The following CPNE2 variants were observed in gnomAD, a reference collection of about 807,000 sequenced individuals.
The protein encoded by CPNE2 is copine-2.
A neutral mutation model predicts 69.7 loss-of-function variants in CPNE2; 42 were observed. The observed-to-expected ratio is 0.60, with a 90% CI of 0.47 to 0.78. The LOEUF (loss-of-function observed/expected upper bound fraction) is 0.78, where lower values mean the gene tolerates loss of function less well. Among genes scored for constraint, CPNE2 ranks in the 30% least tolerant of loss-of-function variants. CPNE2 has a pLI of 0.00. For synonymous variants in CPNE2, 294 were observed against 289.8 expected (o/e 1.01, Z -0.15); for missense variants, 587 against 732.0 (o/e 0.80, Z 2.29).
At chr16:57,108,405 C>A (rs549961901) in intron 1 of CPNE2, among the ~76,000 whole-genome samples, 173 of 152,328 alleles carry the variant, frequency 1.1e-3, no homozygotes, top group Non-Finnish European at 7.1e-4. Context: ...GGGGGCCCAC[C>A]CACCACCCCC....
intron 5 of CPNE2, among the ~76,000 whole-genome samples, chr16:57,118,005 G>A (rs1431093992): frequency 6.6e-6 from 1 of 152,008 alleles, no homozygotes; most frequent in Non-Finnish European, 1.5e-5. Context: ...CTCTGCCTGG[G>A]ATGCTCTCTT....
At chr16:57,140,274 G>A (rs752932517) in intron 14 of CPNE2, among the ~76,000 whole-genome samples, 6 of 151,866 alleles carry the variant, frequency 4.0e-5, no homozygotes, top group East Asian at 2.0e-4. Context: ...GGGTTCAAGC[G>A]ATTCTCCTGT....
At chr16:57,122,273 A>G (rs2069768621) in intron 9 of CPNE2, among the ~76,000 whole-genome samples, 1 of 152,216 alleles carries the variant, frequency 6.6e-6, no homozygotes, top group Non-Finnish European at 1.5e-5. Flanking sequence ...CTGGCAGAAC[A>G]TTAAGGAAGG....
At chr16:57,103,417 C>T (rs1471811595) in intron 1 of CPNE2, among the ~76,000 whole-genome samples, 1 of 152,232 alleles carries the variant, frequency 6.6e-6, no homozygotes, top group African/African-American at 2.4e-5. Context: ...GGCTGCCACA[C>T]CTGGCCTGTT....
chr16:57,137,225 C>G lies in CPNE2; in HGVS notation c.1245C>G (p.Pro415=). ...TCTACGGTCCTACCAATTTCTCCCC[C>G]ATCGTCAACCACGTGGCCCGGTTTG... is the stretch of plus-strand genomic sequence containing the variant. ...IRFYGPTNFS[P]IVNHVARFAA... The change falls in exon 14 of 16, where the codon CCC becomes CCG. Residue 415 remains proline, a synonymous_variant. Transcript: ENST00000290776. 3 of 1,614,256 alleles carry G rather than the reference C, an allele frequency of 1.9e-6. No individual in the cohort carries two copies. Among genetic ancestry groups the G allele is most frequent in the Non-Finnish European group, 2.5e-6 (3 of 1,180,044 alleles).
chr16:57,117,278 C>T (rs574226346), intron 4 of CPNE2, among the ~76,000 whole-genome samples: 1 of 152,312 alleles, frequency 6.6e-6, no homozygotes, highest in African/African-American at 2.4e-5. Context: ...CGTAGATCCG[C>T]TTCCTGACTC....
chr16:57,121,614 A>G, intron 8 of CPNE2, 60 bp from the exon 9 acceptor site: 1 of 1,511,994 alleles, frequency 6.6e-7, no homozygotes, highest in Non-Finnish European at 9.2e-7. Context: ...AGGGCCAAGG[A>G]GGAGGATCTG....
chr16:57,125,450 G>A (rs1302057640), intron 10 of CPNE2: 3 of 436,444 alleles, frequency 6.9e-6, no homozygotes, highest in Admixed American at 2.5e-5. Context: ...CAGTGGAGCA[G>A]TGGCATCTGA....
rs114082993 is a variant in CPNE2 at position 57,096,971 on chromosome 16, G to A, written c.-36+4181G>A. Among the ~76,000 whole-genome samples the A allele has an allele frequency of 6.2e-3, 941 of 152,118 alleles. 8 individuals are homozygous for A. The highest frequency in any genetic ancestry group is 9.3e-3 in the Non-Finnish European group (635 of 67,984). ...CTGGGGAACAGGTAGAGGAAACAGCGCATGCAAAGGCCCTGTGGTGGGGAC... is the reference window on the plus strand; with the variant it reads ...CTGGGGAACAGGTAGAGGAAACAGCACATGCAAAGGCCCTGTGGTGGGGAC... On this transcript the variant is annotated intron_variant, in intron 1 of 15. Coordinates refer to ENST00000290776, the MANE Select transcript of CPNE2 (RefSeq NM_152727.6).
intron 4 of CPNE2, among the ~76,000 whole-genome samples, chr16:57,115,953 T>A (rs140143724): frequency 1.3e-5 from 2 of 152,342 alleles, no homozygotes; most frequent in East Asian, 3.9e-4. Flanking sequence ...CTCCTTGGTC[T>A]TCAAAGACTC....
intron 1 of CPNE2, among the ~76,000 whole-genome samples, chr16:57,103,066 G>A (rs1283236368): frequency 6.6e-6 from 1 of 152,142 alleles, no homozygotes; most frequent in African/African-American, 2.4e-5. Flanking sequence ...ACCGTGACCA[G>A]GCAACCACGC....
intron 14 of CPNE2, among the ~76,000 whole-genome samples, chr16:57,139,632 A>G (rs1214429480): frequency 1.3e-5 from 2 of 152,204 alleles, no homozygotes; most frequent in Non-Finnish European, 2.9e-5. Flanking sequence ...AAGGGTTAGA[A>G]GCAAGATGGA....
intron 1 of CPNE2, among the ~76,000 whole-genome samples, chr16:57,101,628 G>A (rs1567664554): frequency 6.6e-6 from 1 of 152,218 alleles, no homozygotes; most frequent in Non-Finnish European, 1.5e-5. Flanking sequence ...AGCCATCCCT[G>A]GGGTGTGGTC....
chr16:57,117,107 G>T (rs2069724632), intron 4 of CPNE2, among the ~76,000 whole-genome samples: 2 of 152,100 alleles, frequency 1.3e-5, no homozygotes, highest in Admixed American at 1.3e-4. Flanking sequence ...TGACACCTTG[G>T]TGTTCTGAGG....
intron 1 of CPNE2, among the ~76,000 whole-genome samples, chr16:57,108,998 C>G (rs1213599349): frequency 6.6e-6 from 1 of 152,146 alleles, no homozygotes; most frequent in Non-Finnish European, 1.5e-5. Context: ...GCTTCCTGTG[C>G]ACCAGTCATT....
chr16:57,127,762 T>C (rs1411428561), intron 11 of CPNE2, 87 bp from the exon 12 acceptor site: 33 of 1,308,094 alleles, frequency 2.5e-5, no homozygotes, highest in Admixed American at 5.4e-5. Flanking sequence ...TGGAAGTGTA[T>C]GAGGCAGAGT....
At chr16:57,139,805 G>A (rs968932184) in intron 14 of CPNE2, among the ~76,000 whole-genome samples, 2 of 152,118 alleles carry the variant, frequency 1.3e-5, no homozygotes, top group Non-Finnish European at 2.9e-5. Context: ...GGGTGCCAGG[G>A]TTTGAATCCT....
chr16:57,127,928 C>T (rs772037958), intron 12 of CPNE2, 25 bp downstream of exon 12: 1 of 1,613,218 alleles, frequency 6.2e-7, no homozygotes, highest in Non-Finnish European at 8.5e-7. Context: ...AGTTAGTTTC[C>T]TTTTGGTTGA....
intron 10 of CPNE2, chr16:57,124,344 A>G (rs1340557023): frequency 2.2e-6 from 1 of 453,342 alleles, no homozygotes; most frequent in Non-Finnish European, 4.4e-6. Context: ...GGCCTCTCAA[A>G]GTGCTAGGAT....
Sources: gnomAD v4.1 joint callset for allele counts (sites outside exome capture counted in the v4.1 genomes callset) on GRCh38, gnomAD v4.1.1 for gene constraint, MANE v1.5 for transcripts, NCBI Gene and HGNC (gene_info 2026-07-23, HGNC 2026-07-21) for gene names.